PP2D1: variants seen among roughly 807,000 people sequenced by gnomAD.
PP2D1 encodes protein phosphatase 2C like domain containing 1, also known as protein phosphatase 2C-like domain-containing protein 1.
PP2D1 carries 25 observed loss-of-function variants against 30.2 expected under a neutral mutation model. That is an observed-to-expected ratio of 0.83 (90% CI 0.60 to 1.16). The LOEUF (loss-of-function observed/expected upper bound fraction) is 1.16. Ranked by LOEUF, PP2D1 falls within the 50% of genes most tolerant of loss-of-function variation. PP2D1 has a pLI of 0.00. For synonymous variants in PP2D1, 260 were observed against 258.9 expected (o/e 1.00, Z -0.04); for missense variants, 760 against 742.4 (o/e 1.02, Z -0.28).
At chr3:19,980,075 C>T (rs1027083789) in exon 4 of PP2D1, 1 of 152,132 alleles carries the variant, frequency 6.6e-6, no homozygotes, top group Non-Finnish European at 1.5e-5. Flanking sequence ...CTGAAAAACT[C>T]AAGTTTGCAG....
chr3:19,983,744 G>T (rs1696977853), downstream of PP2D1: 1 of 1,612,068 alleles, frequency 6.2e-7, no homozygotes, highest in African/African-American at 1.3e-5. Context: ...CAAAATCCAG[G>T]AGCAAATTCT....
In PP2D1 at chr3:20,001,173, G is replaced by A. The variant is rs950141737; in HGVS notation, c.947C>T (p.Thr316Ile). 4.0e-6 allele frequency: 6 copies of A among 1,496,152 alleles called. No homozygotes were observed. Among genetic ancestry groups the A allele is most frequent in the Non-Finnish European group, 5.3e-6 (6 of 1,129,312 alleles). The allele number at this position is 1,496,152 out of a possible 1,614,324, so 92.7% of individuals were successfully genotyped here. A position where few individuals can be genotyped will look rare whatever the true frequency, so the allele number is the denominator to read the frequency against. ...RVQWSGCSAV[T>I]CILEGKPKSP... ...TTTAGGTTTGCCTTCCAATATACAA[G>A]TAACTGCAGAGCAGCCACTCCATTG... The change falls in exon 2 of 3, where the codon ACT (threonine) becomes ATT (isoleucine). Residue 316 changes from threonine to isoleucine, a missense_variant. By Grantham distance (89) the Thr-to-Ile change is moderately conservative. Around this residue, in one of 3 missense-constraint regions of PP2D1, gnomAD observed 374 missense variants for 388.8 expected, o/e 0.96. Coordinates refer to ENST00000389050, the MANE Select transcript of PP2D1 (RefSeq NM_001252657.2).
At chr3:19,984,390 G>A, downstream of PP2D1, 1 of 278,562 alleles carries the variant, frequency 3.6e-6, no homozygotes, top group Non-Finnish European at 7.1e-6. Context: ...GAGTATTAAT[G>A]GTATCTTAAT....
chr3:20,010,070 C>T (rs931954000), intron 1 of PP2D1, among the ~76,000 whole-genome samples: 3 of 152,146 alleles, frequency 2.0e-5, no homozygotes, highest in African/African-American at 7.2e-5. Flanking sequence ...ACTCCTGTTT[C>T]ATCTATATCC....
chr3:20,002,135 T>C, intron 1 of PP2D1, 39 bp from the exon 2 acceptor site: 2 of 1,355,660 alleles, frequency 1.5e-6, no homozygotes, highest in South Asian at 2.7e-5. Context: ...GCCAGGATGA[T>C]GCAGCGAAAA....
chr3:19,988,075 A>G (rs1046792989), intron 2 of PP2D1, among the ~76,000 whole-genome samples: 2 of 152,206 alleles, frequency 1.3e-5, no homozygotes, highest in Admixed American at 6.5e-5. Flanking sequence ...TTAACTGCAC[A>G]AATTGTTCAT....
intron 2 of PP2D1, 161 bp downstream of exon 2, chr3:20,000,869 T>A: frequency 4.9e-6 from 2 of 404,876 alleles, no homozygotes; most frequent in Non-Finnish European, 4.3e-6. Flanking sequence ...GCAATCTGCA[T>A]TTAAATTGTG....
intron 2 of PP2D1, among the ~76,000 whole-genome samples, chr3:19,998,847 A>T (rs1414633709): frequency 6.6e-6 from 1 of 152,148 alleles, no homozygotes; most frequent in Admixed American, 6.5e-5. Flanking sequence ...GTGTAAAATT[A>T]TTTTCTTATG....
rs1402043995 is a variant in PP2D1 at position 19,985,902 on chromosome 3, A to G, written c.1371T>C (p.Leu457=). ...CTTCCTCTTTATCCAAAACTTCCCAAAGTCCATTAGTAGCTACAATAAGGA... is the reference window on the plus strand; with the variant it reads ...CTTCCTCTTTATCCAAAACTTCCCAGAGTCCATTAGTAGCTACAATAAGGA... ...CQFLIVATNG[L]WEVLDKEEVT... The change falls in exon 3 of 3, where the codon CTT becomes CTC. Residue 457 remains leucine, a synonymous_variant. Coordinates refer to ENST00000389050, the MANE Select transcript of PP2D1 (RefSeq NM_001252657.2). 2.6e-6 allele frequency: 4 copies of G among 1,536,336 alleles called. No individual in the cohort carries two copies. Among genetic ancestry groups the G allele is most frequent in the African/African-American group, 2.7e-5 (2 of 73,026 alleles).
intron 2 of PP2D1, among the ~76,000 whole-genome samples, chr3:19,992,469 A>C (rs374661319): frequency 1.3e-3 from 198 of 152,312 alleles, no homozygotes; most frequent in African/African-American, 4.5e-3. Context: ...TTAGGGGAAA[A>C]CGGTAGGGAT....
intron 1 of PP2D1, 23 bp from the exon 2 acceptor site, chr3:20,002,119 T>A: frequency 2.7e-6 from 4 of 1,464,484 alleles, no homozygotes; most frequent in Non-Finnish European, 3.7e-6. Context: ...TGAAAGATAT[T>A]TACATGCCAG....
chr3:19,997,993 G>A (rs761259497), intron 2 of PP2D1, among the ~76,000 whole-genome samples: 1 of 151,972 alleles, frequency 6.6e-6, no homozygotes, highest in Non-Finnish European at 1.5e-5. Flanking sequence ...TCAGGAGTTC[G>A]AGACCAGGCT....
chr3:20,012,228 T>A lies in PP2D1; in HGVS notation c.-156A>T. 1.6e-6 allele frequency: 1 copy of A among 632,332 alleles called. No homozygotes were observed. The highest frequency in any genetic ancestry group is 2.5e-4 in the Middle Eastern group (1 of 3,946). The allele number at this position is 632,332 out of a possible 1,614,324, so 39.2% of individuals were successfully genotyped here. On this transcript the variant is annotated 5_prime_UTR_variant, in exon 1 of 3. The change abolishes an upstream ATG in the 5' untranslated region. Transcript: ENST00000389050. ...ATGGTGATGATAGCGATGGTGGGCA[T>A]TCCCCTCACTTGATGGTAGAGCTCC... is the stretch of plus-strand genomic sequence containing the variant.
At chr3:19,991,799 G>A (rs1250240024) in intron 2 of PP2D1, among the ~76,000 whole-genome samples, 1 of 152,110 alleles carries the variant, frequency 6.6e-6, no homozygotes, top group African/African-American at 2.4e-5. Context: ...AGGTAGAGAG[G>A]CTATTCAAAA....
At chr3:20,000,955 G>A in intron 2 of PP2D1, 75 bp downstream of exon 2, 1 of 758,858 alleles carries the variant, frequency 1.3e-6, no homozygotes, top group Non-Finnish European at 1.8e-6. Context: ...ATAAAAAATT[G>A]TGGAAGCATG....
intron 1 of PP2D1, among the ~76,000 whole-genome samples, chr3:20,006,327 G>A (rs1484780956): frequency 2.0e-5 from 3 of 152,132 alleles, no homozygotes; most frequent in African/African-American, 7.2e-5. Flanking sequence ...AAAATCTGAT[G>A]TTTTCAGTAA....
At chr3:20,000,862 A>T in intron 2 of PP2D1, 168 bp downstream of exon 2, 1 of 399,386 alleles carries the variant, frequency 2.5e-6, no homozygotes. Flanking sequence ...TGTGCCTGCA[A>T]TCTGCATTTA....
At chr3:19,989,941 G>T (rs557697892) in intron 2 of PP2D1, among the ~76,000 whole-genome samples, 15 of 151,856 alleles carry the variant, frequency 9.9e-5, no homozygotes, top group Non-Finnish European at 1.2e-4. Context: ...TGGTAAACAG[G>T]TTATTTTTAT....
At chr3:20,004,519 G>A (rs1194503771) in intron 1 of PP2D1, among the ~76,000 whole-genome samples, 1 of 151,996 alleles carries the variant, frequency 6.6e-6, no homozygotes, top group Non-Finnish European at 1.5e-5. Flanking sequence ...AAACCCAGCA[G>A]AATAAGAAAA....
Sources: gnomAD v4.1 joint callset for allele counts (sites outside exome capture counted in the v4.1 genomes callset) on GRCh38, gnomAD v4.1.1 for gene constraint, gnomAD v4.1.1 regional missense constraint, MANE v1.5 for transcripts, NCBI Gene and HGNC (gene_info 2026-07-23, HGNC 2026-07-21) for gene names.